UBXN8: variants seen among roughly 807,000 people sequenced by gnomAD.
UBXN8 encodes the protein UBX domain protein 8.
Under a neutral mutation model 32.1 loss-of-function variants are expected in UBXN8, and 27 were observed. The observed-to-expected ratio is 0.84, with a 90% CI of 0.62 to 1.16. The LOEUF is 1.16. UBXN8 is among the 50% of genes most tolerant of loss of function. The pLI, the probability that UBXN8 is intolerant of heterozygous loss-of-function variation, is 0.00. For missense variants in UBXN8, 306 were observed against 311.4 expected, an observed-to-expected ratio of 0.98 and a Z score of 0.13; for synonymous variants, 109 against 111.8, an observed-to-expected ratio of 0.98 and a Z score of 0.16.
chr8:30,766,497 C>A lies in UBXN8; in HGVS notation c.*103C>A. The A allele has an allele frequency of 1.6e-6, 2 of 1,233,030 alleles. No homozygotes were observed. Among genetic ancestry groups the A allele is most frequent in the Non-Finnish European group, 2.2e-6 (2 of 927,092 alleles). The allele number at this position is 1,233,030 out of a possible 1,614,324, so 76.4% of individuals were successfully genotyped here. On this transcript the variant is annotated 3_prime_UTR_variant, in exon 8 of 8. Coordinates refer to ENST00000265616, the MANE Select transcript of UBXN8 (RefSeq NM_005671.4). ...AATCACACTATACCTTGATTGAGCT[C>A]ATGGCAGTAAACTTTGAACATTGAT...
chr8:30,739,763 A>G (rs1387027834), upstream of UBXN8, among the ~76,000 whole-genome samples: 1 of 152,234 alleles, frequency 6.6e-6, no homozygotes, highest in Non-Finnish European at 1.5e-5. Flanking sequence ...ATTATCTCAT[A>G]AAATGTTTAA....
intron 1 of UBXN8, among the ~76,000 whole-genome samples, chr8:30,735,297 G>A (rs1262476585): frequency 6.6e-6 from 1 of 152,206 alleles, no homozygotes; most frequent in Admixed American, 6.5e-5. Flanking sequence ...GCCTAACTCA[G>A]AAGCCTATTA....
At chr8:30,752,370 C>T (rs1026439234) in intron 2 of UBXN8, among the ~76,000 whole-genome samples, 3 of 151,654 alleles carry the variant, frequency 2.0e-5, no homozygotes, top group Non-Finnish European at 2.9e-5. Context: ...AATGCAGTGG[C>T]GTGCTTGGCT....
chr8:30,762,412 G>A (rs1645244810), intron 6 of UBXN8, among the ~76,000 whole-genome samples: 1 of 151,366 alleles, frequency 6.6e-6, no homozygotes, highest in African/African-American at 2.4e-5. Context: ...TTTTGTTTTT[G>A]AGACTGAGTC....
intron 1 of UBXN8, among the ~76,000 whole-genome samples, chr8:30,737,056 TTTTG>T (rs1463128491): frequency 7.9e-5 from 12 of 152,208 alleles, no homozygotes; most frequent in Admixed American, 3.3e-4. Context: ...TTAATGTTCT[TTTTG>T]TTTAATTTTC....
At chr8:30,731,592 G>A (rs1337951672), upstream of UBXN8, among the ~76,000 whole-genome samples, 1 of 151,968 alleles carries the variant, frequency 6.6e-6, no homozygotes, top group Non-Finnish European at 1.5e-5. Context: ...ACGGTCCCCC[G>A]AGAGGAGGAA....
At chr8:30,757,598 T>C (rs1433555067) in intron 5 of UBXN8, among the ~76,000 whole-genome samples, 2 of 151,232 alleles carry the variant, frequency 1.3e-5, no homozygotes, top group South Asian at 2.1e-4. Flanking sequence ...TGGTGGCTCA[T>C]GCCTGTAATC....
chr8:30,738,486 CT>C (rs1224070599), intron 1 of UBXN8, among the ~76,000 whole-genome samples: 1 of 151,288 alleles, frequency 6.6e-6, no homozygotes, highest in African/African-American at 2.4e-5. Flanking sequence ...GGTGAAACCC[CT>C]GTCTCTACTA....
In UBXN8 at chr8:30,751,466, T is replaced by C; in HGVS notation, c.159T>C (p.Ser53=). ...TTGCTCTTCTTACTTTAACTATTTCTGTGACTACCTCATGGCTTAACTCAT... is the reference window on the plus strand; with the variant it reads ...TTGCTCTTCTTACTTTAACTATTTCCGTGACTACCTCATGGCTTAACTCAT... The part of the protein sequence containing the change: ...LLLALLTLTI[S]VTTSWLNSFK... Residue 53 remains serine (S), a synonymous_variant, in exon 2 of 8, where the codon TCT becomes TCC. Coordinates refer to ENST00000265616, the MANE Select transcript of UBXN8 (RefSeq NM_005671.4). 6.2e-7 allele frequency: 1 copy of C among 1,611,066 alleles called. No homozygotes were observed.
At chr8:30,733,931 A>T (rs1329370484) in intron 1 of UBXN8, 1 of 152,238 alleles carries the variant, frequency 6.6e-6, no homozygotes, top group Non-Finnish European at 1.5e-5. Context: ...GCACAGAGAA[A>T]AGGATAGAGA....
At chr8:30,764,156 G>A (rs1266990918) in intron 7 of UBXN8, among the ~76,000 whole-genome samples, 1 of 152,134 alleles carries the variant, frequency 6.6e-6, no homozygotes, top group African/African-American at 2.4e-5. Flanking sequence ...ATAATTATGT[G>A]TGCATTAAAA....
At chr8:30,749,608 CTTTTTTTTT>C (rs35549734) in intron 1 of UBXN8, among the ~76,000 whole-genome samples, 2 of 115,060 alleles carry the variant, frequency 1.7e-5, no homozygotes, top group East Asian at 2.5e-4. Flanking sequence ...TTCTTTTTTT[CTTTTTTTTT>C]TTTTTTGAGA....
intron 1 of UBXN8, 165 bp downstream of exon 1, chr8:30,744,442 A>C (rs1805306186): frequency 1.5e-6 from 1 of 677,618 alleles, no homozygotes; most frequent in African/African-American, 1.8e-5. Flanking sequence ...CTTCACTTCG[A>C]GGAACCTTTT....
chr8:30,758,900 T>TTTTTTTG (rs1805746584), intron 5 of UBXN8, among the ~76,000 whole-genome samples: 3 of 121,990 alleles, frequency 2.5e-5, no homozygotes, highest in Non-Finnish European at 1.6e-5. Flanking sequence ...TTTTGTTTTT[T>TTTTTTTG]TTTTTTTTTT....
chr8:30,754,910 GT>G, intron 4 of UBXN8, 123 bp downstream of exon 4: 1 of 1,041,054 alleles, frequency 9.6e-7, no homozygotes, highest in Admixed American at 4.3e-5. Context: ...ATGATTATCA[GT>G]TTTTGTTCAG....
At chr8:30,744,061 G>T, upstream of UBXN8, 2 of 767,766 alleles carry the variant, frequency 2.6e-6, no homozygotes, top group Non-Finnish European at 4.3e-6. Context: ...ATAACGACAC[G>T]GCCGTCAGTA....
At chr8:30,745,860 A>G (rs1805346209) in intron 1 of UBXN8, among the ~76,000 whole-genome samples, 1 of 151,956 alleles carries the variant, frequency 6.6e-6, no homozygotes, top group African/African-American at 2.4e-5. Context: ...TGATCCTCCC[A>G]CCTCAGCCTT....
chr8:30,737,506 CTA>C (rs1233486535), intron 1 of UBXN8, among the ~76,000 whole-genome samples: 1 of 152,178 alleles, frequency 6.6e-6, no homozygotes, highest in African/African-American at 2.4e-5. Context: ...TTATTTGTGG[CTA>C]TATCTCCAGC....
upstream of UBXN8, among the ~76,000 whole-genome samples, chr8:30,732,075 G>C (rs960952310): frequency 2.1e-4 from 32 of 152,250 alleles, no homozygotes; most frequent in Admixed American, 1.5e-3. Flanking sequence ...GGCAGAAGCT[G>C]TTTGCCTTTC....
Sources: allele counts gnomAD v4.1 joint callset (sites outside exome capture counted in the v4.1 genomes callset), GRCh38; gene constraint gnomAD v4.1.1; transcripts MANE v1.5; gene names NCBI Gene and HGNC (gene_info 2026-07-23, HGNC 2026-07-21).